Variants in PHF2 observed in about 807,000 individuals in gnomAD.
PHF2 encodes PHD finger protein 2.
PHF2 carries 27 observed loss-of-function variants against 120.5 expected under a neutral mutation model. The ratio of observed to expected loss-of-function variants is 0.22; its 90% CI spans 0.17 to 0.31. The LOEUF is 0.31. Ranked by LOEUF, PHF2 falls within the 10% of genes least tolerant of loss-of-function variation. The pLI, the probability that PHF2 is intolerant of heterozygous loss-of-function variation, is 1.00. For missense variants in PHF2, 1,024 were observed against 1,434.8 expected (o/e 0.71, Z 4.63); for synonymous variants, 568 against 592.5 (o/e 0.96, Z 0.60).
chr9:93,624,244 G>A (rs1262985674), intron 1 of PHF2, among the ~76,000 whole-genome samples: 3 of 152,240 alleles, frequency 2.0e-5, no homozygotes. Flanking sequence ...CAGAGTTAGT[G>A]ATGATGGAGT....
chr9:93,671,134 A>G (rs1225734745), intron 17 of PHF2: 28 of 979,676 alleles, frequency 2.9e-5, no homozygotes, highest in Non-Finnish European at 3.4e-5. Context: ...GGGTAGGTGT[A>G]GGTGCAGATG....
chr9:93,664,324 A>G (rs1415720873), intron 14 of PHF2, among the ~76,000 whole-genome samples: 1 of 151,532 alleles, frequency 6.6e-6, no homozygotes, highest in Non-Finnish European at 1.5e-5. Context: ...CCTCGGGGTG[A>G]GGCAAGGGGT....
At chr9:93,615,204 G>GGCGATGGTGATGATGATGGTGATA (rs1825709047) in intron 1 of PHF2, among the ~76,000 whole-genome samples, 2 of 148,728 alleles carry the variant, frequency 1.3e-5, no homozygotes, top group African/African-American at 5.0e-5. Context: ...TGATGATGAT[G>GGCGATGGTGATGATGATGGTGATA]GTGATGGTGA....
In PHF2 at chr9:93,636,433, C is replaced by T; in HGVS notation, c.207C>T (p.His69=). The change falls in exon 3 of 22, where the codon CAC becomes CAT. Residue 69 remains histidine, a synonymous_variant. Transcript: ENST00000359246. ...CAGTAAAGAAGAAGCGGACCTGGCA[C>T]AAACACGGCCCGGGGCAAGCGCCTG... ...KSTLKKKRTW[H]KHGPGQAPDV... 6.2e-7 allele frequency: 1 copy of T among 1,609,168 alleles called. No homozygotes were observed. Among genetic ancestry groups the T allele is most frequent in the East Asian group, 2.2e-5 (1 of 44,712 alleles).
intron 1 of PHF2, among the ~76,000 whole-genome samples, chr9:93,579,546 C>T (rs186659186): frequency 2.0e-5 from 3 of 152,308 alleles, no homozygotes; most frequent in Admixed American, 6.5e-5. Flanking sequence ...GTTCTTGGAT[C>T]CCACCTTGCA....
At chr9:93,637,001 G>A (rs748080561) in intron 3 of PHF2, among the ~76,000 whole-genome samples, 2 of 152,254 alleles carry the variant, frequency 1.3e-5, no homozygotes, top group African/African-American at 4.8e-5. Flanking sequence ...GGACACAGCC[G>A]GGAGCGGCTC....
chr9:93,615,121 G>A (rs1292651548), intron 1 of PHF2, among the ~76,000 whole-genome samples: 1 of 150,248 alleles, frequency 6.7e-6, no homozygotes, highest in African/African-American at 2.5e-5. Flanking sequence ...GATGGTGATG[G>A]CGATGATGAT....
intron 1 of PHF2, chr9:93,594,806 T>C (rs183773873): frequency 1.3e-5 from 2 of 152,448 alleles, no homozygotes; most frequent in Admixed American, 1.3e-4. Flanking sequence ...CAGACCAGCC[T>C]AAGTTCCAGT....
intron 1 of PHF2, among the ~76,000 whole-genome samples, chr9:93,611,028 C>A (rs184704473): frequency 1.1e-4 from 17 of 152,352 alleles, no homozygotes; most frequent in Non-Finnish European, 8.8e-5. Flanking sequence ...GCCTCAAGTT[C>A]TTGCCTGCTT....
chr9:93,679,051 G>T lies in PHF2; in HGVS notation c.*1375G>T. ...CTTTGTTTTCCTTGTATGATGAGGG[G>T]ATTGGGGGATACAGTTATTTTACTA... On this transcript the variant is annotated 3_prime_UTR_variant, in exon 22 of 22. Transcript: ENST00000359246. 2.9e-6 allele frequency: 1 copy of T among 343,970 alleles called. No homozygotes were observed. The highest frequency in any genetic ancestry group is 5.6e-6 in the Non-Finnish European group (1 of 177,256). The allele number at this position is 343,970 out of a possible 1,614,324, so 21.3% of individuals were successfully genotyped here. A position where few individuals can be genotyped will look rare whatever the true frequency, so the allele number is the denominator to read the frequency against.
At chr9:93,587,254 G>T (rs1178044510) in intron 1 of PHF2, among the ~76,000 whole-genome samples, 1 of 145,256 alleles carries the variant, frequency 6.9e-6, no homozygotes, top group African/African-American at 2.5e-5. Flanking sequence ...AGGGATGATG[G>T]AAGAGCCCTG....
At chr9:93,645,387 GT>G (rs2117865708) in intron 3 of PHF2, among the ~76,000 whole-genome samples, 1 of 152,366 alleles carries the variant, frequency 6.6e-6, no homozygotes. Flanking sequence ...ACATTTCCAT[GT>G]GACACGTGAG....
intron 1 of PHF2, among the ~76,000 whole-genome samples, chr9:93,626,542 C>T (rs573235320): frequency 6.6e-6 from 1 of 152,272 alleles, no homozygotes; most frequent in East Asian, 1.9e-4. Flanking sequence ...CCTTCTTACT[C>T]TGTTGATAGT....
At chr9:93,620,314 CTCTG>C (rs1474404635) in intron 1 of PHF2, among the ~76,000 whole-genome samples, 1 of 152,236 alleles carries the variant, frequency 6.6e-6, no homozygotes, top group Non-Finnish European at 1.5e-5. Flanking sequence ...CTCATGGAGC[CTCTG>C]TCTGTGTCCT....
At position 93,679,257 on chromosome 9, in the gene PHF2, C is replaced by T. The variant is rs534331669; in HGVS notation, c.*1581C>T. The T allele has an allele frequency of 8.3e-4, 378 of 456,002 alleles. 5 individuals carry two copies. The highest frequency in any genetic ancestry group is 3.3e-3 in the South Asian group (215 of 64,524). 28.2% of individuals were successfully genotyped at this position (456,002 alleles called of 1,614,324 possible). On this transcript the variant is annotated 3_prime_UTR_variant, in exon 22 of 22. Transcript: ENST00000359246. ...CTCCCACTTGTCCTGTTTGGAGGGA[C>T]GCAGTCCCTAGGGCCCGAGACTGGG...
chr9:93,624,482 A>T lies in PHF2; in HGVS notation c.99-5488A>T, dbSNP rs867586587. ...TTGAGATGATGATGGTGTGGCGGTGATGGTGATGGTGGTGATGGTGATGAC... is the reference window on the plus strand; with the variant it reads ...TTGAGATGATGATGGTGTGGCGGTGTTGGTGATGGTGGTGATGGTGATGAC... On this transcript the variant is annotated intron_variant, in intron 1 of 21. Transcript: ENST00000359246. 1.5e-3 allele frequency among the ~76,000 whole-genome samples: 190 copies of T among 130,674 alleles called. No individual in the cohort carries two copies. In the Middle Eastern group the frequency reaches 0.017, roughly 12 times the overall value. The allele number at this position is 130,674 out of a possible 152,430, so 85.7% of individuals were successfully genotyped here.
At chr9:93,621,663 C>G (rs1825829145) in intron 1 of PHF2, among the ~76,000 whole-genome samples, 1 of 152,214 alleles carries the variant, frequency 6.6e-6, no homozygotes, top group African/African-American at 2.4e-5. Flanking sequence ...CTTTGTGCCT[C>G]TGAGTCCTTG....
chr9:93,617,750 AGAATGTG>A (rs1430577184), intron 1 of PHF2, among the ~76,000 whole-genome samples: 1 of 152,190 alleles, frequency 6.6e-6, no homozygotes, highest in African/African-American at 2.4e-5. Flanking sequence ...CTAAAACTGA[AGAATGTG>A]GAGTCCAGTG....
At chr9:93,646,153 T>G (rs902679552) in intron 4 of PHF2, among the ~76,000 whole-genome samples, 1 of 152,166 alleles carries the variant, frequency 6.6e-6, no homozygotes, top group African/African-American at 2.4e-5. Context: ...GCTGCCTGAT[T>G]AGGGGCCTGG....
Sources: allele counts gnomAD v4.1 joint callset (sites outside exome capture counted in the v4.1 genomes callset), GRCh38; gene constraint gnomAD v4.1.1; transcripts MANE v1.5; gene names NCBI Gene and HGNC (gene_info 2026-07-23, HGNC 2026-07-21).